The following MAGI2 variants were observed in gnomAD, a reference collection of about 807,000 sequenced individuals.
MAGI2 encodes the protein membrane associated guanylate kinase, WW and PDZ domain containing 2.
Under a neutral mutation model 133.3 loss-of-function variants are expected in MAGI2, and 35 were observed. That is an observed-to-expected ratio of 0.26 (90% CI 0.20 to 0.35). MAGI2 has a LOEUF of 0.35. Among genes scored for constraint, MAGI2 ranks in the 10% least tolerant of loss-of-function variants. MAGI2 has a pLI of 1.00. For synonymous variants in MAGI2, 729 were observed against 710.6 expected, an observed-to-expected ratio of 1.03 and a Z score of -0.41; for missense variants, 1,636 against 1,863.4, an observed-to-expected ratio of 0.88 and a Z score of 2.25.
intron 1 of MAGI2, among the ~76,000 whole-genome samples, chr7:79,262,830 C>T (rs1439356503): frequency 1.3e-5 from 2 of 152,188 alleles, no homozygotes; most frequent in Non-Finnish European, 2.9e-5. Context: ...CTTTCAAATA[C>T]TTTTATAAGC....
chr7:79,214,399 CTCTCTCTCTA>C (rs1418232119), intron 1 of MAGI2, among the ~76,000 whole-genome samples: 138 of 72,108 alleles, frequency 1.9e-3, no homozygotes, highest in East Asian at 0.013. Flanking sequence ...CTCTCTCTCT[CTCTCTCTCTA>C]TATATATATA....
At chr7:78,546,305 A>C (rs938883585) in intron 3 of MAGI2, among the ~76,000 whole-genome samples, 16 of 152,134 alleles carry the variant, frequency 1.1e-4, no homozygotes, top group Non-Finnish European at 2.1e-4. Flanking sequence ...CACTATCATT[A>C]TTGCTAACTG....
intron 3 of MAGI2, among the ~76,000 whole-genome samples, chr7:78,588,376 C>T (rs1331583669): frequency 6.6e-6 from 1 of 152,122 alleles, no homozygotes; most frequent in African/African-American, 2.4e-5. Flanking sequence ...ACTTCAAAAT[C>T]ATTTGGGTGA....
In MAGI2 at chr7:79,453,405, G is replaced by C; in HGVS notation, c.-85C>G. The C allele has an allele frequency of 6.6e-7, 1 of 1,512,396 alleles. No homozygotes were observed. The highest frequency in any genetic ancestry group is 8.8e-7 in the Non-Finnish European group (1 of 1,135,932). 93.7% of individuals were successfully genotyped at this position (1,512,396 alleles called of 1,614,324 possible). ...AGAGAATGAGGATGGAGGAGCAAGG[G>C]GGCCCAGGGGGAAGAACAGCAGACT... On this transcript the variant is annotated 5_prime_UTR_variant, in exon 1 of 22. Coordinates refer to ENST00000354212, the MANE Select transcript of MAGI2 (RefSeq NM_012301.4).
rs114268510 is a variant in MAGI2, at chr7:78,851,333, T to G, written c.418+155757A>C. On this transcript the variant is annotated intron_variant, in intron 2 of 21. Coordinates refer to ENST00000354212, the MANE Select transcript of MAGI2 (RefSeq NM_012301.4). Reference sequence around the variant, plus strand: ...GCTTTAAGAGTACGGCAATATTAATTTACAGCACATGCCCCTCCTGGAGTG... The same window carrying G: ...GCTTTAAGAGTACGGCAATATTAATGTACAGCACATGCCCCTCCTGGAGTG... Among the ~76,000 whole-genome samples the G allele has an allele frequency of 2.1e-3, 323 of 152,166 alleles. 3 individuals are homozygous for G. Among genetic ancestry groups the G allele is most frequent in the African/African-American group, 7.5e-3 (310 of 41,550 alleles).
At position 78,343,804 on chromosome 7, in the gene MAGI2, G is replaced by A. The variant is rs775151865; in HGVS notation, c.1382C>T (p.Ala461Val). The A allele has an allele frequency of 6.2e-7, 1 of 1,604,046 alleles. No homozygotes were observed. Among genetic ancestry groups the A allele is most frequent in the Non-Finnish European group, 8.5e-7 (1 of 1,176,494 alleles). Reference sequence around the variant, plus strand: ...TGTTTCCATTTTTCCATCCTGTGCTGCAGGCCCATCCGGAATCACACTTTT... The same window carrying A: ...TGTTTCCATTTTTCCATCCTGTGCTACAGGCCCATCCGGAATCACACTTTT... ...QVKSVIPDGPAAQDGKMETGD... is the reference protein window; with the variant it reads ...QVKSVIPDGPVAQDGKMETGD... Residue 461 changes from alanine (A) to valine (V), a missense_variant, in exon 9 of 22, where the codon GCA becomes GTA. Around this residue, in one of 5 missense-constraint regions of MAGI2, gnomAD observed 920 missense variants for 1,093.5 expected, o/e 0.84. Coordinates refer to ENST00000354212, the MANE Select transcript of MAGI2 (RefSeq NM_012301.4).
chr7:79,444,296 G>A (rs1431392109), intron 1 of MAGI2, among the ~76,000 whole-genome samples: 1 of 152,162 alleles, frequency 6.6e-6, no homozygotes, highest in Non-Finnish European at 1.5e-5. Context: ...TCAACATAGT[G>A]TTGGAAGTTC....
chr7:79,059,231 T>C (rs1282552076), intron 1 of MAGI2, among the ~76,000 whole-genome samples: 1 of 152,092 alleles, frequency 6.6e-6, no homozygotes, highest in Admixed American at 6.6e-5. Context: ...TATATTTGTA[T>C]TTTTAATGAT....
intron 20 of MAGI2, among the ~76,000 whole-genome samples, chr7:78,115,393 G>A (rs1426283665): frequency 6.6e-6 from 1 of 152,114 alleles, no homozygotes; most frequent in Non-Finnish European, 1.5e-5. Context: ...TAAAATTAAT[G>A]TAAATTGACT....
intron 20 of MAGI2, among the ~76,000 whole-genome samples, chr7:78,116,906 G>T (rs1819921379): frequency 1.3e-5 from 2 of 151,572 alleles, no homozygotes; most frequent in Admixed American, 1.3e-4. Context: ...AAATAAAAAT[G>T]ATATAAAAAG....
chr7:79,078,416 C>T (rs775280029), intron 1 of MAGI2, among the ~76,000 whole-genome samples: 1 of 152,110 alleles, frequency 6.6e-6, no homozygotes, highest in Non-Finnish European at 1.5e-5. Flanking sequence ...AGTTAACTGA[C>T]CCTACACTCC....
At chr7:78,448,901 G>A (rs1788429072) in intron 6 of MAGI2, among the ~76,000 whole-genome samples, 1 of 151,978 alleles carries the variant, frequency 6.6e-6, no homozygotes. Flanking sequence ...ATGACCCACA[G>A]AGAAGTAACA....
chr7:79,357,643 C>G (rs1842109208), intron 1 of MAGI2, among the ~76,000 whole-genome samples: 1 of 152,092 alleles, frequency 6.6e-6, no homozygotes, highest in African/African-American at 2.4e-5. Flanking sequence ...TCACACCATG[C>G]CCTTCCATCT....
intron 2 of MAGI2, among the ~76,000 whole-genome samples, chr7:78,801,665 T>C (rs896587002): frequency 5.9e-5 from 9 of 152,200 alleles, no homozygotes; most frequent in African/African-American, 2.2e-4. Context: ...TAAAATTAGT[T>C]TGCCTTCCAA....
chr7:79,096,624 C>A (rs1342714181), intron 1 of MAGI2, among the ~76,000 whole-genome samples: 1 of 152,160 alleles, frequency 6.6e-6, no homozygotes, highest in Non-Finnish European at 1.5e-5. Flanking sequence ...GAATTTAAAA[C>A]CTTCAAGATC....
chr7:78,170,701 C>A (rs1826029613), intron 14 of MAGI2: 1 of 151,882 alleles, frequency 6.6e-6, no homozygotes, highest in Non-Finnish European at 1.5e-5. Context: ...GAGTAGGCCT[C>A]TTATATATTT....
intron 1 of MAGI2, among the ~76,000 whole-genome samples, chr7:79,321,354 A>G (rs1839165890): frequency 6.6e-6 from 1 of 152,196 alleles, no homozygotes; most frequent in African/African-American, 2.4e-5. Context: ...GTGCTTTGAC[A>G]TAATTTAATA....
Position 78,925,521 on chromosome 7 carries a change from T to G in MAGI2, c.418+81569A>C, listed in dbSNP as rs561012491. 2.6e-5 allele frequency among the ~76,000 whole-genome samples: 4 copies of G among 152,154 alleles called. No homozygotes were observed. The South Asian group carries it at 6.2e-4, about 24-fold the overall frequency. On this transcript the variant is annotated intron_variant, in intron 2 of 21. Coordinates refer to ENST00000354212, the MANE Select transcript of MAGI2 (RefSeq NM_012301.4). ...ATCCAATAGGTCTCAAAGTGTGGCC[T>G]AGGGGACTCCTGTATGGTCAAAACC...
chr7:78,571,237 A>C (rs1584681796), intron 3 of MAGI2, among the ~76,000 whole-genome samples: 1 of 152,192 alleles, frequency 6.6e-6, no homozygotes. Flanking sequence ...AAGAGAGAAT[A>C]ATCTAATCAA....
Sources: allele counts gnomAD v4.1 joint callset (sites outside exome capture counted in the v4.1 genomes callset), GRCh38; gene constraint gnomAD v4.1.1; regional missense constraint gnomAD v4.1.1; transcripts MANE v1.5; gene names NCBI Gene and HGNC (gene_info 2026-07-23, HGNC 2026-07-21).